The following SYK variants were observed in gnomAD, a reference collection of about 807,000 sequenced individuals.
The protein encoded by SYK is spleen associated tyrosine kinase.
SYK carries 16 observed loss-of-function variants against 77.8 expected under a neutral mutation model. The observed-to-expected ratio is 0.21, with a 90% CI of 0.14 to 0.31. The LOEUF is 0.31. SYK is among the 10% of genes least tolerant of loss of function. The pLI, the probability that SYK is intolerant of heterozygous loss-of-function variation, is 1.00. For synonymous variants in SYK, 312 were observed against 308.7 expected, an observed-to-expected ratio of 1.01 and a Z score of -0.11; for missense variants, 529 against 814.4, an observed-to-expected ratio of 0.65 and a Z score of 4.26.
chr9:90,844,281 T>C lies in SYK; in HGVS notation c.383T>C (p.Ile128Thr). 1 of 1,612,976 alleles carries C rather than the reference T, an allele frequency of 6.2e-7. No individual in the cohort carries two copies. ...GPFEDLKENL[I>T]REYVKQTWNL... ...TTTGAGGATTTGAAGGAAAACCTCA[T>C]CAGGGAATATGTGAAGCAGACATGG... The change falls in exon 2 of 14, where the codon ATC becomes ACC. Residue 128 changes from isoleucine (I) to threonine (T), a missense_variant. Coordinates refer to ENST00000375754, the MANE Select transcript of SYK (RefSeq NM_003177.7).
intron 2 of SYK, 121 bp downstream of exon 2, chr9:90,844,436 C>T (rs1180671018): frequency 1.7e-6 from 2 of 1,195,124 alleles, no homozygotes; most frequent in Non-Finnish European, 2.3e-6. Context: ...ACAACCATCT[C>T]CTTAAGCATC....
intron 7 of SYK, among the ~76,000 whole-genome samples, chr9:90,867,455 C>T (rs946906049): frequency 6.6e-6 from 1 of 152,198 alleles, no homozygotes; most frequent in African/African-American, 2.4e-5. Flanking sequence ...GCTCAAGCGT[C>T]ATTTTAAAGT....
chr9:90,819,050 C>G (rs952094741), intron 1 of SYK, among the ~76,000 whole-genome samples: 2 of 152,198 alleles, frequency 1.3e-5, no homozygotes, highest in Admixed American at 1.3e-4. Context: ...GGAGATATGG[C>G]TATCAGGAGC....
rs565338092 is a variant in SYK, at chr9:90,820,130, T to C, written c.-42+18237T>C. ...CCATGGTCTTGGACAGCTTCATCCC[T>C]GTGGCTTTGCAGTGTACAGCCTCCC... On this transcript the variant is annotated intron_variant, in intron 1 of 13. Coordinates refer to ENST00000375754, the MANE Select transcript of SYK (RefSeq NM_003177.7). Among the ~76,000 whole-genome samples the C allele has an allele frequency of 1.4e-4, 22 of 152,354 alleles. 1 individual carries two copies. Among genetic ancestry groups the C allele is most frequent in the African/African-American group, 5.3e-4 (22 of 41,582 alleles).
chr9:90,802,461 C>G (rs1826767809), intron 1 of SYK, among the ~76,000 whole-genome samples: 1 of 152,190 alleles, frequency 6.6e-6, no homozygotes, highest in African/African-American at 2.4e-5. Flanking sequence ...AGCATAATTA[C>G]TCTTGTGGAT....
chr9:90,803,197 T>A (rs1824676695), intron 1 of SYK, among the ~76,000 whole-genome samples: 1 of 152,216 alleles, frequency 6.6e-6, no homozygotes, highest in Admixed American at 6.5e-5. Flanking sequence ...AGAAAACTCT[T>A]GCATTAAAAC....
chr9:90,844,419 A>G, intron 2 of SYK, 104 bp downstream of exon 2: 2 of 1,281,842 alleles, frequency 1.6e-6, no homozygotes, highest in Non-Finnish European at 2.1e-6. Flanking sequence ...CTGTGTGCCC[A>G]AATAACACAA....
chr9:90,841,681 T>C (rs1826354219), intron 1 of SYK, among the ~76,000 whole-genome samples: 1 of 151,682 alleles, frequency 6.6e-6, no homozygotes, highest in South Asian at 2.1e-4. Context: ...ATGTAGTTTG[T>C]GTGTGATATG....
At chr9:90,854,602 C>T (rs989198306) in intron 3 of SYK, among the ~76,000 whole-genome samples, 7 of 152,040 alleles carry the variant, frequency 4.6e-5, no homozygotes, top group South Asian at 2.1e-4. Flanking sequence ...TTAGTTAAAA[C>T]GATTCCCAGG....
intron 1 of SYK, chr9:90,827,432 T>G (rs985900140): frequency 2.6e-5 from 4 of 152,224 alleles, no homozygotes; most frequent in African/African-American, 7.2e-5. Context: ...CACTCTGGCT[T>G]GTTGATGCCT....
intron 1 of SYK, among the ~76,000 whole-genome samples, chr9:90,840,534 C>A (rs1826259929): frequency 7.9e-6 from 1 of 126,130 alleles, no homozygotes; most frequent in East Asian, 2.4e-4. Flanking sequence ...CTGGCTAATG[C>A]GGTGAAACCC....
chr9:90,855,677 T>TGG (rs1240710890), intron 3 of SYK, among the ~76,000 whole-genome samples: 1 of 151,772 alleles, frequency 6.6e-6, no homozygotes, highest in East Asian at 1.9e-4. Flanking sequence ...TGTGTGTGTG[T>TGG]GTGTGTGTGT....
Position 90,843,923 on chromosome 9 carries a change from A to T in SYK, c.25A>T (p.Ser9Cys). Residue 9 changes from serine (S) to cysteine (C), a missense_variant, in exon 2 of 14, where the codon AGC (serine) becomes TGC (cysteine). Transcript: ENST00000375754. Reference protein sequence around the residue: MASSGMADSANHLPFFFGN... With the variant: MASSGMADCANHLPFFFGN... ...CATGGCCAGCAGCGGCATGGCTGACAGCGCCAACCACCTGCCCTTCTTTTT... is the reference window on the plus strand; with the variant it reads ...CATGGCCAGCAGCGGCATGGCTGACTGCGCCAACCACCTGCCCTTCTTTTT... The T allele has an allele frequency of 6.4e-7, 1 of 1,550,620 alleles. No homozygotes were observed. The highest frequency in any genetic ancestry group is 8.7e-7 in the Non-Finnish European group (1 of 1,146,794).
chr9:90,856,695 C>T (rs1441518721), intron 3 of SYK, among the ~76,000 whole-genome samples: 2 of 151,246 alleles, frequency 1.3e-5, no homozygotes, highest in Non-Finnish European at 2.9e-5. Context: ...TTTTGTTAAA[C>T]ATTTCATAGT....
chr9:90,862,950 G>A (rs1827337160), intron 4 of SYK, among the ~76,000 whole-genome samples: 1 of 152,096 alleles, frequency 6.6e-6, no homozygotes, highest in Admixed American at 6.5e-5. Context: ...ATACTCCCTG[G>A]GCTCCAGGCT....
At chr9:90,873,435 A>C (rs1387390910) in intron 7 of SYK, among the ~76,000 whole-genome samples, 1 of 152,208 alleles carries the variant, frequency 6.6e-6, no homozygotes, top group Non-Finnish European at 1.5e-5. Flanking sequence ...AGGGTGGGTC[A>C]GGAAAACTCA....
chr9:90,839,170 G>A (rs566692306), intron 1 of SYK, among the ~76,000 whole-genome samples: 58 of 152,282 alleles, frequency 3.8e-4, no homozygotes, highest in South Asian at 6.2e-4. Flanking sequence ...GGTGGGTGCC[G>A]GTGGGTGCCA....
chr9:90,861,334 G>A (rs758613587), intron 3 of SYK, among the ~76,000 whole-genome samples: 14 of 152,224 alleles, frequency 9.2e-5, no homozygotes, highest in East Asian at 3.9e-4. Context: ...TCTGAGGGTC[G>A]CCCAGCATTA....
chr9:90,854,745 T>C (rs1388551828), intron 3 of SYK, among the ~76,000 whole-genome samples: 2 of 151,994 alleles, frequency 1.3e-5, no homozygotes, highest in Admixed American at 1.3e-4. Context: ...CACCACTGAA[T>C]CCCCATGTGG....
Sources: gnomAD v4.1 joint callset for allele counts (sites outside exome capture counted in the v4.1 genomes callset) on GRCh38, gnomAD v4.1.1 for gene constraint, MANE v1.5 for transcripts, NCBI Gene and HGNC (gene_info 2026-07-23, HGNC 2026-07-21) for gene names.